The following KCNQ5 variants were observed in gnomAD, a reference collection of about 807,000 sequenced individuals.
The protein encoded by KCNQ5 is potassium voltage-gated channel subfamily Q member 5.
KCNQ5 carries 30 observed loss-of-function variants against 98.2 expected under a neutral mutation model. That is an observed-to-expected ratio of 0.31 (90% CI 0.23 to 0.41). The LOEUF (loss-of-function observed/expected upper bound fraction) is 0.41. Among genes scored for constraint, KCNQ5 ranks in the 10% least tolerant of loss-of-function variants. The pLI is 1.00. For synonymous variants in KCNQ5, 458 were observed against 449.4 expected (o/e 1.02, Z -0.24); for missense variants, 835 against 1,182.5 (o/e 0.71, Z 4.31).
chr6:72,731,098 A>T (rs1770530506), intron 1 of KCNQ5, among the ~76,000 whole-genome samples: 1 of 152,228 alleles, frequency 6.6e-6, no homozygotes, highest in Non-Finnish European at 1.5e-5. Context: ...AGCTGTTTTA[A>T]CCCTGGCTCT....
At chr6:73,119,084 A>G (rs796093918) in intron 7 of KCNQ5, among the ~76,000 whole-genome samples, 38 of 151,972 alleles carry the variant, frequency 2.5e-4, no homozygotes, top group African/African-American at 9.2e-4. Flanking sequence ...TTAATCTACT[A>G]TAATAAAAAA....
intron 1 of KCNQ5, among the ~76,000 whole-genome samples, chr6:72,812,393 G>A (rs970505060): frequency 6.6e-6 from 1 of 152,168 alleles, no homozygotes; most frequent in Non-Finnish European, 1.5e-5. Flanking sequence ...CACTCTACCT[G>A]TAGTAGGTGC....
At chr6:72,712,341 G>A (rs1337130450) in intron 1 of KCNQ5, among the ~76,000 whole-genome samples, 1 of 152,140 alleles carries the variant, frequency 6.6e-6, no homozygotes, top group African/African-American at 2.4e-5. Flanking sequence ...GGAAGAAGGC[G>A]CTTCAAGAAG....
intron 5 of KCNQ5, among the ~76,000 whole-genome samples, chr6:73,090,425 G>C (rs1201339520): frequency 6.6e-6 from 1 of 152,040 alleles, no homozygotes; most frequent in Non-Finnish European, 1.5e-5. Flanking sequence ...TTAAGTACCA[G>C]CAATTTATCT....
intron 1 of KCNQ5, among the ~76,000 whole-genome samples, chr6:72,857,800 A>G (rs899132095): frequency 1.3e-5 from 2 of 152,194 alleles, no homozygotes; most frequent in Admixed American, 6.5e-5. Context: ...AAGAGAGGAG[A>G]CACAAGTGCA....
At chr6:72,854,321 G>A (rs1777426364) in intron 1 of KCNQ5, among the ~76,000 whole-genome samples, 1 of 151,862 alleles carries the variant, frequency 6.6e-6, no homozygotes, top group Admixed American at 6.6e-5. Flanking sequence ...CCAACTAATG[G>A]TACATATAAA....
chr6:72,962,938 T>G (rs576476625), intron 1 of KCNQ5, among the ~76,000 whole-genome samples: 40 of 152,358 alleles, frequency 2.6e-4, no homozygotes, highest in Admixed American at 5.9e-4. Flanking sequence ...CTCTTGATTC[T>G]TTATTTCCTC....
intron 1 of KCNQ5, among the ~76,000 whole-genome samples, chr6:72,672,848 A>T (rs1453369251): frequency 6.6e-6 from 1 of 152,252 alleles, no homozygotes; most frequent in Non-Finnish European, 1.5e-5. Flanking sequence ...CAGAGTTAGC[A>T]TAAAAAATGA....
At chr6:73,018,904 A>G (rs896154432) in intron 2 of KCNQ5, among the ~76,000 whole-genome samples, 1 of 152,202 alleles carries the variant, frequency 6.6e-6, no homozygotes, top group African/African-American at 2.4e-5. Flanking sequence ...GGAATGCAGT[A>G]CTGCCATGTC....
chr6:72,876,614 A>G (rs1209474391), intron 1 of KCNQ5, among the ~76,000 whole-genome samples: 1 of 152,236 alleles, frequency 6.6e-6, no homozygotes, highest in Non-Finnish European at 1.5e-5. Context: ...TCTCTTTAAA[A>G]AGCAGATAGC....
chr6:72,846,690 G>C (rs1167968331), intron 1 of KCNQ5, among the ~76,000 whole-genome samples: 2 of 151,986 alleles, frequency 1.3e-5, no homozygotes, highest in Non-Finnish European at 2.9e-5. Flanking sequence ...AAAAAGGACT[G>C]CCCTGACTGC....
intron 3 of KCNQ5, among the ~76,000 whole-genome samples, chr6:73,063,678 TAGATAGATGATA>T (rs1772898401): frequency 4.0e-5 from 3 of 75,724 alleles, no homozygotes; most frequent in African/African-American, 1.1e-4. Flanking sequence ...GATAGATAGA[TAGATAGATGATA>T]GATAGATAGA....
chr6:73,009,622 A>G (rs1413004184), intron 2 of KCNQ5, among the ~76,000 whole-genome samples: 1 of 152,178 alleles, frequency 6.6e-6, no homozygotes, highest in Non-Finnish European at 1.5e-5. Context: ...GACAAAACAG[A>G]CAAACCTTTA....
At chr6:72,824,054 A>G (rs1775876022) in intron 1 of KCNQ5, among the ~76,000 whole-genome samples, 2 of 152,106 alleles carry the variant, frequency 1.3e-5, no homozygotes, top group Non-Finnish European at 2.9e-5. Context: ...GTTTTCTCCT[A>G]TATTTCTTGT....
chr6:73,015,877 T>G (rs929098767), intron 2 of KCNQ5, among the ~76,000 whole-genome samples: 1 of 152,114 alleles, frequency 6.6e-6, no homozygotes, highest in African/African-American at 2.4e-5. Context: ...ACCTCCTCCT[T>G]CCTGAAATAA....
chr6:73,002,150 AT>A (rs1293840005), intron 1 of KCNQ5, among the ~76,000 whole-genome samples: 1 of 152,190 alleles, frequency 6.6e-6, no homozygotes, highest in Non-Finnish European at 1.5e-5. Flanking sequence ...AAAATGAAAA[AT>A]AAAAAAGCAT....
intron 1 of KCNQ5, among the ~76,000 whole-genome samples, chr6:72,643,412 T>A (rs1053850288): frequency 1.3e-5 from 2 of 152,100 alleles, no homozygotes; most frequent in Non-Finnish European, 2.9e-5. Context: ...GTGCTAAACA[T>A]CCTCAGTGTG....
At chr6:73,095,369 T>G (rs935601481) in intron 5 of KCNQ5, among the ~76,000 whole-genome samples, 69 of 152,194 alleles carry the variant, frequency 4.5e-4, no homozygotes, top group Non-Finnish European at 8.1e-4. Flanking sequence ...GCTTCACATG[T>G]CTCTGGTGCT....
intron 1 of KCNQ5, among the ~76,000 whole-genome samples, chr6:72,636,185 A>T (rs1178223409): frequency 6.6e-6 from 1 of 152,188 alleles, no homozygotes; most frequent in East Asian, 1.9e-4. Context: ...TGGAATTATT[A>T]TATAAAAATG....
Sources: allele counts gnomAD v4.1 joint callset (sites outside exome capture counted in the v4.1 genomes callset), GRCh38; gene constraint gnomAD v4.1.1; transcripts MANE v1.5; gene names NCBI Gene and HGNC (gene_info 2026-07-23, HGNC 2026-07-21).